Variants in TTC16 observed in about 807,000 individuals in gnomAD.
The protein encoded by TTC16 is tetratricopeptide repeat domain 16, also known as tetratricopeptide repeat protein 16.
In TTC16, 66 loss-of-function variants were observed where a neutral mutation model predicts 80.4. That is an observed-to-expected ratio of 0.82 (90% CI 0.67 to 1.01). TTC16 has a LOEUF of 1.01. Among genes scored for constraint, TTC16 ranks in the 50% least tolerant of loss-of-function variants. TTC16 has a pLI of 0.00. For missense variants in TTC16, 1,070 were observed against 1,103.2 expected (o/e 0.97, Z 0.43); for synonymous variants, 438 against 451.3 (o/e 0.97, Z 0.37).
chr9:127,724,807 A>AGGCGCT lies in TTC16; in HGVS notation c.1177_1182dup (p.Ala393_Leu394dup). 3 of 1,610,028 alleles carry AGGCGCT rather than the reference A, an allele frequency of 1.9e-6. No homozygotes were observed. Among genetic ancestry groups the AGGCGCT allele is most frequent in the Non-Finnish European group, 2.5e-6 (3 of 1,179,006 alleles). On this transcript the variant is annotated inframe_insertion, in exon 9 of 14. Transcript: ENST00000373289. ...GCCTTTGCCGAGGCGGACTACCAGC[A>AGGCGCT]GGCGCTGGCGCTGAGCCCTCAGGAC...
chr9:127,717,589 G>A, intron 3 of TTC16, 40 bp from the exon 4 acceptor site: 1 of 1,607,382 alleles, frequency 6.2e-7, no homozygotes, highest in Non-Finnish European at 8.5e-7. Flanking sequence ...AGGGGCAGAT[G>A]GTGGGGAGGA....
chr9:127,730,988 G>C lies in TTC16; in HGVS notation c.2205G>C (p.Lys735Asn), dbSNP rs1471586336. Residue 735 changes from lysine (K) to asparagine (N), a missense_variant, in exon 14 of 14, where the codon AAG (lysine) becomes AAC (asparagine). Coordinates refer to ENST00000373289, the MANE Select transcript of TTC16 (RefSeq NM_144965.3). ...ATQGQGQSSSKTEATQGQRQS... is the reference protein window; with the variant it reads ...ATQGQGQSSSNTEATQGQRQS... Reference sequence around the variant, plus strand: ...AGGGCCAGGGGCAGAGCTCCAGCAAGACTGAGGCCACTCAGGGCCAGAGGC... The same window carrying C: ...AGGGCCAGGGGCAGAGCTCCAGCAACACTGAGGCCACTCAGGGCCAGAGGC... 6.2e-7 allele frequency: 1 copy of C among 1,612,204 alleles called. No homozygotes were observed. Among genetic ancestry groups the C allele is most frequent in the Admixed American group, 1.7e-5 (1 of 59,920 alleles).
At chr9:127,716,466 T>TTACC (rs1843019220) in intron 1 of TTC16, 1 of 557,158 alleles carries the variant, frequency 1.8e-6, no homozygotes, top group South Asian at 2.1e-5. Context: ...GTCCTGAAGG[T>TTACC]TACCCAAGGG....
In TTC16 at chr9:127,731,338, G is replaced by C. The variant is rs756287984; in HGVS notation, c.2555G>C (p.Trp852Ser). Residue 852 changes from tryptophan to serine, a missense_variant, in exon 14 of 14, where the codon TGG becomes TCG. Physicochemically the swap from Trp to Ser is radical, Grantham distance 177 (BLOSUM62 -3). Transcript: ENST00000373289. ...ACTTCCAGCAAGGCCGAGTCCACCTGGGGACCCAGCCCAAGTCTCAGCAAA... is the reference window on the plus strand; with the variant it reads ...ACTTCCAGCAAGGCCGAGTCCACCTCGGGACCCAGCCCAAGTCTCAGCAAA... ...SSTSSKAEST[W>S]GPSPSLSKTE... 1.9e-6 allele frequency: 3 copies of C among 1,613,004 alleles called. No homozygotes were observed. Among genetic ancestry groups the C allele is most frequent in the Middle Eastern group, 1.6e-4 (1 of 6,062 alleles).
Position 127,723,237 on chromosome 9 carries a change from G to A in TTC16, c.776G>A (p.Gly259Glu), listed in dbSNP as rs754876294. The change falls in exon 7 of 14, where the codon GGG becomes GAG. Residue 259 changes from glycine to glutamate, a missense_variant. By Grantham distance (98) the Gly-to-Glu change is moderately conservative. Transcript: ENST00000373289. ...GCCCAGCAGGCGCGCCAAGATGCGG[G>A]GATCCTGGCTGTGCAGGGCAAGCTG... ...AQAQQARQDAGILAVQGKLQH... is the reference protein window; with the variant it reads ...AQAQQARQDAEILAVQGKLQH... The A allele has an allele frequency of 6.2e-7, 1 of 1,612,908 alleles. No homozygotes were observed. Among genetic ancestry groups the A allele is most frequent in the African/African-American group, 1.3e-5 (1 of 75,058 alleles).
Position 127,727,059 on chromosome 9 carries a change from G to A in TTC16, c.1515G>A (p.Leu505=), listed in dbSNP as rs776926166. 2.5e-6 allele frequency: 4 copies of A among 1,611,958 alleles called. No homozygotes were observed. The highest frequency in any genetic ancestry group is 2.2e-5 in the South Asian group (2 of 91,058). Reference sequence around the variant, plus strand: ...TAGCCCACCTGGCCAGGCTGCAGCTGGAGCAGATGGTGGAGGGCAGCCTGC... The same window carrying A: ...TAGCCCACCTGGCCAGGCTGCAGCTAGAGCAGATGGTGGAGGGCAGCCTGC... ...TQIAHLARLQ[L]EQMVEGSLQA... The change falls in exon 11 of 14, where the codon CTG becomes CTA. Residue 505 remains leucine, a synonymous_variant. Coordinates refer to ENST00000373289, the MANE Select transcript of TTC16 (RefSeq NM_144965.3).
At chr9:127,720,827 T>C (rs1843403415) in intron 6 of TTC16, among the ~76,000 whole-genome samples, 1 of 710 alleles carries the variant, frequency 1.4e-3, no homozygotes, top group African/African-American at 5.7e-3. Flanking sequence ...TCTTCCCTCC[T>C]GCCTTCCCTC....
In TTC16 at chr9:127,720,360, A is replaced by C. The variant is rs540913849; in HGVS notation, c.622A>C (p.Ile208Leu). Residue 208 changes from isoleucine (I) to leucine (L), a missense_variant, in exon 6 of 14, where the codon ATC becomes CTC. By Grantham distance (5) the Ile-to-Leu change is conservative. Transcript: ENST00000373289. ...GGACACCACCAACGCCGATGTCTAC[A>C]TCTTCCGGGCCAGACTCTACAACTT... ...KQDTTNADVY[I>L]FRARLYNFLQ... 6.2e-7 allele frequency: 1 copy of C among 1,613,058 alleles called. No homozygotes were observed. The highest frequency in any genetic ancestry group is 1.1e-5 in the South Asian group (1 of 91,092).
In TTC16 at chr9:127,717,552, G is replaced by C. The variant is rs527780041; in HGVS notation, c.283-77G>C. The C allele has an allele frequency of 1.0e-5, 16 of 1,585,632 alleles. No homozygotes were observed. The South Asian group carries it at 1.2e-4, about 12-fold the overall frequency. ...ATGGGAATTGGATGTCAACTCTCAG[G>C]GGGGTGGAGACTTTCCCCTACCCTC... On this transcript the variant is annotated intron_variant, in intron 3 of 13. Coordinates refer to ENST00000373289, the MANE Select transcript of TTC16 (RefSeq NM_144965.3).
At chr9:127,724,099 C>T in intron 7 of TTC16, 21 bp from the exon 8 acceptor site, 1 of 1,518,026 alleles carries the variant, frequency 6.6e-7, no homozygotes, top group Non-Finnish European at 8.8e-7. Context: ...CTCCTGCCGT[C>T]TCCCACGCCC....
intron 10 of TTC16, 47 bp downstream of exon 10, chr9:127,726,451 G>A: frequency 1.3e-6 from 2 of 1,489,864 alleles, no homozygotes; most frequent in Admixed American, 2.2e-5. Context: ...GTCATGCCCG[G>A]TGCATAAAGA....
At chr9:127,716,668 G>A (rs973776985) in intron 1 of TTC16, 176 bp from the exon 2 acceptor site, 6 of 758,020 alleles carry the variant, frequency 7.9e-6, no homozygotes, top group Non-Finnish European at 1.2e-5. Flanking sequence ...AGAGGGACAG[G>A]TTGGAGCGTC....
At chr9:127,723,610 G>A (rs1007888375) in intron 7 of TTC16, among the ~76,000 whole-genome samples, 3 of 152,220 alleles carry the variant, frequency 2.0e-5, no homozygotes, top group African/African-American at 7.2e-5. Flanking sequence ...CTCAGTGGAG[G>A]AGACTTAGGC....
chr9:127,729,213 G>C lies in TTC16; in HGVS notation c.1765-368G>C, dbSNP rs79298576. The C allele has an allele frequency of 6.2e-3, 1,162 of 186,228 alleles. 4 individuals are homozygous for C. Among genetic ancestry groups the C allele is most frequent in the Non-Finnish European group, 9.6e-3 (849 of 88,358 alleles). 11.5% of individuals were successfully genotyped at this position (186,228 alleles called of 1,614,324 possible). On this transcript the variant is annotated intron_variant, in intron 12 of 13. Coordinates refer to ENST00000373289, the MANE Select transcript of TTC16 (RefSeq NM_144965.3). ...CGTCTTCACTTGTATTGGGAGAATG[G>C]ATGGGGGTAAAGCCTACAGAAGCTC... is the stretch of plus-strand genomic sequence containing the variant.
chr9:127,720,452 C>T (rs1843361438), intron 6 of TTC16, 57 bp downstream of exon 6: 2 of 1,600,180 alleles, frequency 1.2e-6, no homozygotes, highest in Non-Finnish European at 8.5e-7. Context: ...CCTCAGTGTG[C>T]CCCAAGATTG....
At chr9:127,729,558 A>G in intron 12 of TTC16, 23 bp from the exon 13 acceptor site, 2 of 1,610,716 alleles carry the variant, frequency 1.2e-6, no homozygotes, top group Non-Finnish European at 1.7e-6. Flanking sequence ...CATCTGAACT[A>G]CAAAGCCTGT....
chr9:127,731,456 C>T lies in TTC16; in HGVS notation c.*51C>T, dbSNP rs1844413365. 1.3e-6 allele frequency: 2 copies of T among 1,549,800 alleles called. No homozygotes were observed. Among genetic ancestry groups the T allele is most frequent in the Non-Finnish European group, 8.7e-7 (1 of 1,148,316 alleles). ...TGCTGGGGAGGGGACGAGTTCTACC[C>T]ACCTCCCCACACTGGCACTCAGCCA... On this transcript the variant is annotated 3_prime_UTR_variant, in exon 14 of 14. Transcript: ENST00000373289.
At chr9:127,726,193 C>G in intron 9 of TTC16, 46 bp from the exon 10 acceptor site, 1 of 1,483,132 alleles carries the variant, frequency 6.7e-7, no homozygotes. Context: ...ATTTTCCCCA[C>G]AGATGGCCCA....
chr9:127,723,254 G>T lies in TTC16; in HGVS notation c.793G>T (p.Gly265Cys). The T allele has an allele frequency of 6.2e-7, 1 of 1,612,918 alleles. No individual in the cohort carries two copies. Among genetic ancestry groups the T allele is most frequent in the Admixed American group, 1.7e-5 (1 of 60,026 alleles). Residue 265 changes from glycine to cysteine, a missense_variant, in exon 7 of 14, where the codon GGC becomes TGC. Gly to Cys is a radical substitution (Grantham distance 159). Transcript: ENST00000373289. The stretch of plus-strand genomic sequence containing the variant: ...AGATGCGGGGATCCTGGCTGTGCAG[G>T]GCAAGCTGCAGCACGCACTGCAGCG... ...RQDAGILAVQ[G>C]KLQHALQRIN... is the part of the protein sequence containing the mutation.
Sources: gnomAD v4.1 joint callset for allele counts (sites outside exome capture counted in the v4.1 genomes callset) on GRCh38, gnomAD v4.1.1 for gene constraint, MANE v1.5 for transcripts, NCBI Gene and HGNC (gene_info 2026-07-23, HGNC 2026-07-21) for gene names.